The following NXPH1 variants were observed in gnomAD, a reference collection of about 807,000 sequenced individuals.
NXPH1 encodes neurexophilin 1.
In NXPH1, 5 loss-of-function variants were observed where a neutral mutation model predicts 23.7. That is an observed-to-expected ratio of 0.21 (90% confidence interval 0.11 to 0.44). The LOEUF (loss-of-function observed/expected upper bound fraction) is 0.44, where lower values mean the gene tolerates loss of function less well. Ranked by LOEUF, NXPH1 falls within the 20% of genes least tolerant of loss-of-function variation. The pLI is 0.99. For missense variants in NXPH1, 324 were observed against 321.6 expected (o/e 1.01, Z -0.06); for synonymous variants, 144 against 122.2 (o/e 1.18, Z -1.18).
At chr7:8,538,761 AT>A (rs1377762006) in intron 2 of NXPH1, among the ~76,000 whole-genome samples, 2 of 151,922 alleles carry the variant, frequency 1.3e-5, no homozygotes, top group Non-Finnish European at 1.5e-5. Context: ...ATCAATTCAA[AT>A]GTTGACTGGA....
chr7:8,492,539 G>A (rs1383260718), intron 2 of NXPH1, among the ~76,000 whole-genome samples: 6 of 151,838 alleles, frequency 4.0e-5, no homozygotes, highest in Non-Finnish European at 7.4e-5. Context: ...CAGGTTTTGG[G>A]GGACACAATG....
chr7:8,527,797 G>A (rs1256987748), intron 2 of NXPH1, among the ~76,000 whole-genome samples: 1 of 152,146 alleles, frequency 6.6e-6, no homozygotes, highest in East Asian at 1.9e-4. Context: ...CCTAACTATT[G>A]TAATTCAACA....
intron 2 of NXPH1, among the ~76,000 whole-genome samples, chr7:8,566,082 A>G (rs1761570599): frequency 6.6e-6 from 1 of 151,630 alleles, no homozygotes; most frequent in South Asian, 2.1e-4. Flanking sequence ...TCCAGTTGTT[A>G]TTGCTTCCTT....
At chr7:8,654,407 T>C (rs1167275509) in intron 2 of NXPH1, among the ~76,000 whole-genome samples, 1 of 152,192 alleles carries the variant, frequency 6.6e-6, no homozygotes, top group Non-Finnish European at 1.5e-5. Flanking sequence ...AAAGCAAATA[T>C]GATTATCTTA....
chr7:8,646,971 T>C (rs1023749732), intron 2 of NXPH1, among the ~76,000 whole-genome samples: 4 of 151,526 alleles, frequency 2.6e-5, no homozygotes, highest in Admixed American at 2.6e-4. Flanking sequence ...GAACAGGCAC[T>C]GGGGAGGGGA....
chr7:8,596,896 A>G (rs1819238127), intron 2 of NXPH1, among the ~76,000 whole-genome samples: 2 of 152,130 alleles, frequency 1.3e-5, no homozygotes, highest in Admixed American at 1.3e-4. Context: ...ATAGTAGGAT[A>G]AATATAATCA....
At chr7:8,450,043 G>A (rs1396067673) in intron 2 of NXPH1, among the ~76,000 whole-genome samples, 1 of 152,196 alleles carries the variant, frequency 6.6e-6, no homozygotes, top group African/African-American at 2.4e-5. Flanking sequence ...TCAGGGTAAG[G>A]TAAGAAGCGA....
chr7:8,697,857 G>A (rs935985296), intron 2 of NXPH1, among the ~76,000 whole-genome samples: 2 of 152,204 alleles, frequency 1.3e-5, no homozygotes, highest in African/African-American at 2.4e-5. Context: ...AGTGTGTTTG[G>A]AGAGTGGAGC....
chr7:8,712,604 A>G (rs1368096458), intron 2 of NXPH1, among the ~76,000 whole-genome samples: 1 of 152,226 alleles, frequency 6.6e-6, no homozygotes, highest in Non-Finnish European at 1.5e-5. Context: ...AACATAAAAA[A>G]TCCTAGAATA....
intron 2 of NXPH1, among the ~76,000 whole-genome samples, chr7:8,451,493 T>G (rs776745467): frequency 4.6e-5 from 7 of 152,232 alleles, no homozygotes; most frequent in Non-Finnish European, 7.3e-5. Flanking sequence ...ATCCCAAGTT[T>G]TTCTGTCTTT....
chr7:8,441,207 G>T (rs549606035), intron 2 of NXPH1, among the ~76,000 whole-genome samples: 54 of 152,210 alleles, frequency 3.5e-4, no homozygotes, highest in African/African-American at 1.2e-3. Flanking sequence ...TTGGGTCAGC[G>T]GCTTCATGGT....
At chr7:8,598,427 C>T (rs565816612) in intron 2 of NXPH1, among the ~76,000 whole-genome samples, 16 of 152,214 alleles carry the variant, frequency 1.1e-4, no homozygotes, top group South Asian at 4.1e-4. Context: ...GGTTCCCTTC[C>T]TTGGTGGTGG....
At chr7:8,572,701 C>T (rs1348332821) in intron 2 of NXPH1, among the ~76,000 whole-genome samples, 4 of 151,816 alleles carry the variant, frequency 2.6e-5, no homozygotes, top group African/African-American at 4.8e-5. Context: ...ATGGAAACCT[C>T]CTTTTCGGTT....
At chr7:8,595,711 G>A (rs2128626230) in intron 2 of NXPH1, among the ~76,000 whole-genome samples, 3 of 152,080 alleles carry the variant, frequency 2.0e-5, no homozygotes, top group Admixed American at 2.0e-4. Context: ...TTAGTTATTT[G>A]TGTGTGTGAG....
chr7:8,609,689 G>A (rs1441966362), intron 2 of NXPH1, among the ~76,000 whole-genome samples: 2 of 152,096 alleles, frequency 1.3e-5, no homozygotes, highest in Non-Finnish European at 2.9e-5. Flanking sequence ...GATTTTATTA[G>A]CCTCATGGTT....
chr7:8,528,375 G>C (rs1228802804), intron 2 of NXPH1, among the ~76,000 whole-genome samples: 3 of 152,238 alleles, frequency 2.0e-5, no homozygotes, highest in African/African-American at 7.2e-5. Context: ...GCAGGAGAAT[G>C]TGGTGGAATT....
intron 2 of NXPH1, among the ~76,000 whole-genome samples, chr7:8,535,426 T>G (rs1438070954): frequency 7.2e-5 from 11 of 152,026 alleles, no homozygotes; most frequent in Non-Finnish European, 1.3e-4. Flanking sequence ...TTAACAAAAA[T>G]ATACCCTGAA....
intron 2 of NXPH1, among the ~76,000 whole-genome samples, chr7:8,457,832 CATTGATTAAAATA>C (rs2128606412): frequency 6.6e-6 from 1 of 151,938 alleles, no homozygotes; most frequent in East Asian, 1.9e-4. Flanking sequence ...TCTTTGTTGC[CATTGATTAAAATA>C]ATTGAAAAAA....
chr7:8,480,112 G>T (rs764886976), intron 2 of NXPH1, among the ~76,000 whole-genome samples: 1 of 152,062 alleles, frequency 6.6e-6, no homozygotes, highest in African/African-American at 2.4e-5. Context: ...TTTGGATGGG[G>T]TACACTGATG....
Sources: allele counts gnomAD v4.1 joint callset (sites outside exome capture counted in the v4.1 genomes callset), GRCh38; gene constraint gnomAD v4.1.1; transcripts MANE v1.5; gene names NCBI Gene and HGNC (gene_info 2026-07-23, HGNC 2026-07-21).